ITPR2: variants seen among roughly 807,000 people sequenced by gnomAD.
The protein encoded by ITPR2 is inositol 1,4,5-trisphosphate receptor type 2.
Under a neutral mutation model 317.1 loss-of-function variants are expected in ITPR2, and 207 were observed. The ratio of observed to expected loss-of-function variants is 0.65; its 90% CI spans 0.58 to 0.73. The LOEUF (loss-of-function observed/expected upper bound fraction) is 0.73. Among genes scored for constraint, ITPR2 ranks in the 30% least tolerant of loss-of-function variants. The pLI is 0.00. For synonymous variants in ITPR2, 1,156 were observed against 1,149.1 expected, an observed-to-expected ratio of 1.01 and a Z score of -0.12; for missense variants, 2,613 against 3,284.0, an observed-to-expected ratio of 0.80 and a Z score of 4.99.
At chr12:26,540,242 T>C (rs11048572) in intron 37 of ITPR2, among the ~76,000 whole-genome samples, 85,988 of 152,046 alleles carry the variant, frequency 0.57, 28,254 homozygotes, top group Non-Finnish European at 0.76. Flanking sequence ...TAAGGCATGA[T>C]ATGAAAAGGT....
At chr12:26,829,523 G>A (rs1239977138) in intron 1 of ITPR2, among the ~76,000 whole-genome samples, 1 of 151,860 alleles carries the variant, frequency 6.6e-6, no homozygotes, top group Non-Finnish European at 1.5e-5. Context: ...TATATTTTTT[G>A]TACAGACAGG....
In ITPR2 at chr12:26,339,313, G is replaced by A; in HGVS notation, c.*84C>T. The A allele has an allele frequency of 8.3e-7, 1 of 1,206,768 alleles. No homozygotes were observed. 74.8% of individuals were successfully genotyped at this position (1,206,768 alleles called of 1,614,324 possible). Reference sequence around the variant, plus strand: ...TTTTAACTTTTCAACAATAGGCACTGTTCACTCCCCTCCATCTCAGTTCTT... The same window carrying A: ...TTTTAACTTTTCAACAATAGGCACTATTCACTCCCCTCCATCTCAGTTCTT... On this transcript the variant is annotated 3_prime_UTR_variant, in exon 57 of 57. Coordinates refer to ENST00000381340, the MANE Select transcript of ITPR2 (RefSeq NM_002223.4).
chr12:26,582,979 T>C (rs558481048), intron 32 of ITPR2, among the ~76,000 whole-genome samples: 2 of 152,192 alleles, frequency 1.3e-5, no homozygotes, highest in South Asian at 2.1e-4. Flanking sequence ...CTGTGTTCTC[T>C]GGATACAGCT....
At chr12:26,599,555 C>T (rs535213917) in intron 29 of ITPR2, among the ~76,000 whole-genome samples, 158 of 152,252 alleles carry the variant, frequency 1.0e-3, no homozygotes, top group African/African-American at 3.6e-3. Flanking sequence ...GAGAAATGAG[C>T]TTATTATCAT....
intron 1 of ITPR2, among the ~76,000 whole-genome samples, chr12:26,813,626 T>C (rs1286179357): frequency 6.6e-6 from 1 of 152,170 alleles, no homozygotes; most frequent in East Asian, 1.9e-4. Context: ...ATTACCCCCA[T>C]CCTTGATTTC....
chr12:26,510,784 A>G (rs149475931), intron 37 of ITPR2, among the ~76,000 whole-genome samples: 12 of 152,370 alleles, frequency 7.9e-5, no homozygotes, highest in African/African-American at 2.9e-4. Context: ...TTTGGTGCTC[A>G]TAGCAAACTA....
At chr12:26,479,051 A>T (rs1591817078) in intron 43 of ITPR2, among the ~76,000 whole-genome samples, 1 of 151,420 alleles carries the variant, frequency 6.6e-6, no homozygotes, top group East Asian at 1.9e-4. Flanking sequence ...ACTAATATAT[A>T]TTATTCTGTC....
intron 45 of ITPR2, among the ~76,000 whole-genome samples, chr12:26,465,227 A>G (rs1942140963): frequency 6.6e-6 from 1 of 152,224 alleles, no homozygotes; most frequent in Non-Finnish European, 1.5e-5. Context: ...CTGGGCAAAA[A>G]CTAAGTGAAG....
intron 38 of ITPR2, 75 bp from the exon 39 acceptor site, chr12:26,494,415 AT>A: frequency 1.1e-6 from 1 of 874,252 alleles, no homozygotes; most frequent in Non-Finnish European, 1.6e-6. Flanking sequence ...AAATTCTTAA[AT>A]TTTATTATTT....
chr12:26,713,250 A>G (rs531587737), intron 8 of ITPR2, among the ~76,000 whole-genome samples: 40 of 152,296 alleles, frequency 2.6e-4, no homozygotes, highest in Non-Finnish European at 4.3e-4. Context: ...CAGCCCTTCC[A>G]ATCATGTTGA....
intron 48 of ITPR2, among the ~76,000 whole-genome samples, chr12:26,435,700 T>C (rs150221905): frequency 0.014 from 2,196 of 152,304 alleles, 49 homozygotes; most frequent in African/African-American, 0.048. Context: ...TTTCCTATTA[T>C]TATATTGTCT....
rs1404197105 is a variant in ITPR2 at position 26,338,075 on chromosome 12, G to A, written c.*1322C>T. 1 of 152,142 alleles carries A rather than the reference G, an allele frequency of 6.6e-6. No individual in the cohort carries two copies. Among genetic ancestry groups the A allele is most frequent in the Non-Finnish European group, 1.5e-5 (1 of 68,036 alleles). 9.4% of individuals were successfully genotyped at this position (152,142 alleles called of 1,614,324 possible). A position where few individuals can be genotyped will look rare whatever the true frequency, so the allele number is the denominator to read the frequency against. Reference sequence around the variant, plus strand: ...CAGTGTTTTGTTCCTGTGGGGGAGAGGCCAGGTCAACTTGCAGAGTATCTC... The same window carrying A: ...CAGTGTTTTGTTCCTGTGGGGGAGAAGCCAGGTCAACTTGCAGAGTATCTC... On this transcript the variant is annotated 3_prime_UTR_variant, in exon 57 of 57. Transcript: ENST00000381340.
At chr12:26,680,248 A>G (rs1431937373) in intron 13 of ITPR2, among the ~76,000 whole-genome samples, 1 of 152,148 alleles carries the variant, frequency 6.6e-6, no homozygotes, top group Non-Finnish European at 1.5e-5. Context: ...TTTAAATTTC[A>G]TATCAGTAGG....
At chr12:26,817,040 G>C (rs997552602) in intron 1 of ITPR2, among the ~76,000 whole-genome samples, 27 of 151,882 alleles carry the variant, frequency 1.8e-4, no homozygotes, top group African/African-American at 6.5e-4. Flanking sequence ...AATTAGCCGG[G>C]CATGGTGGCA....
Position 26,659,112 on chromosome 12 carries a change from C to A in ITPR2, c.1886+1G>T, listed in dbSNP as rs1407844430. 1 of 1,610,004 alleles carries A rather than the reference C, an allele frequency of 6.2e-7. No homozygotes were observed. The highest frequency in any genetic ancestry group is 1.7e-5 in the Admixed American group (1 of 59,784). On this transcript the variant is annotated splice_donor_variant, in intron 16 of 56. Transcript: ENST00000381340. LOFTEE classifies it high-confidence loss of function. ...AGAATACCGCATGAATCATTTCAAACCTTGGCTCCCGATTTCTCCTGAGTA... is the reference window on the plus strand; with the variant it reads ...AGAATACCGCATGAATCATTTCAAAACTTGGCTCCCGATTTCTCCTGAGTA...
intron 55 of ITPR2, among the ~76,000 whole-genome samples, chr12:26,351,841 A>G (rs1176335298): frequency 6.6e-6 from 1 of 152,204 alleles, no homozygotes; most frequent in Non-Finnish European, 1.5e-5. Context: ...TCCATATTTT[A>G]ATCTGAGTTA....
At chr12:26,501,609 A>G (rs1295386560) in intron 37 of ITPR2, among the ~76,000 whole-genome samples, 1 of 152,238 alleles carries the variant, frequency 6.6e-6, no homozygotes, top group Admixed American at 6.5e-5. Flanking sequence ...CATACTCATT[A>G]CAATCTTGAA....
At chr12:26,552,096 G>C (rs183789446) in intron 36 of ITPR2, among the ~76,000 whole-genome samples, 8 of 152,278 alleles carry the variant, frequency 5.3e-5, no homozygotes, top group Non-Finnish European at 7.4e-5. Flanking sequence ...GCAGAGACTT[G>C]TAAATGATGA....
intron 45 of ITPR2, among the ~76,000 whole-genome samples, chr12:26,469,420 C>T (rs542112755): frequency 6.6e-6 from 1 of 152,182 alleles, no homozygotes; most frequent in South Asian, 2.1e-4. Flanking sequence ...CTGGGATGTT[C>T]CCCTGCAAAC....
Sources: allele counts gnomAD v4.1 joint callset (sites outside exome capture counted in the v4.1 genomes callset), GRCh38; gene constraint gnomAD v4.1.1; transcripts MANE v1.5; gene names NCBI Gene and HGNC (gene_info 2026-07-23, HGNC 2026-07-21).